Variants in DYNC2H1 observed in about 807,000 individuals in gnomAD.
The protein encoded by DYNC2H1 is dynein cytoplasmic 2 heavy chain 1.
Under a neutral mutation model 570.0 loss-of-function variants are expected in DYNC2H1, and 410 were observed. That is an observed-to-expected ratio of 0.72 (90% CI 0.66 to 0.78). The LOEUF (loss-of-function observed/expected upper bound fraction) is 0.78, where lower values mean the gene tolerates loss of function less well. Ranked by LOEUF, DYNC2H1 falls within the 30% of genes least tolerant of loss-of-function variation. The probability of loss-of-function intolerance (pLI) is 0.00; values close to 1 mark genes in which losing one functional copy is unlikely to be tolerated. For synonymous variants in DYNC2H1, 1,688 were observed against 1,677.6 expected (o/e 1.01, Z -0.15); for missense variants, 4,865 against 5,046.4 (o/e 0.96, Z 1.09).
intron 83 of DYNC2H1, among the ~76,000 whole-genome samples, chr11:103,396,852 A>G (rs1312404052): frequency 1.3e-5 from 2 of 152,220 alleles, no homozygotes; most frequent in African/African-American, 4.8e-5. Context: ...GAAGGCCATT[A>G]TCCTCAGTGA....
chr11:103,384,415 A>T (rs1941793543), intron 83 of DYNC2H1, among the ~76,000 whole-genome samples: 1 of 152,140 alleles, frequency 6.6e-6, no homozygotes, highest in African/African-American at 2.4e-5. Flanking sequence ...TCTTATAAAG[A>T]GCCTATAGCT....
intron 4 of DYNC2H1, among the ~76,000 whole-genome samples, chr11:103,115,702 C>T (rs573481115): frequency 6.6e-6 from 1 of 152,134 alleles, no homozygotes; most frequent in South Asian, 2.1e-4. Context: ...AGGATAATCA[C>T]CTGAACCTGA....
chr11:103,239,512 C>A lies in DYNC2H1; in HGVS notation c.9819+2973C>A, dbSNP rs1023581658. Among the ~76,000 whole-genome samples the A allele has an allele frequency of 3.9e-5, 6 of 152,144 alleles. No individual in the cohort carries two copies. The East Asian group carries it at 1.2e-3, about 29-fold the overall frequency. ...CCAATCTGTTAGATTCATGTGTTAT[C>A]CCTTTTATAGATAAGGACATTGAGG... On this transcript the variant is annotated intron_variant, in intron 63 of 88. Transcript: ENST00000375735. The surrounding 1 kb of genome is among the most constrained non-coding windows in gnomAD (Gnocchi z 4.3).
At chr11:103,286,145 G>A (rs908976591) in intron 73 of DYNC2H1, 110 bp from the exon 74 acceptor site, 1 of 1,392,104 alleles carries the variant, frequency 7.2e-7, no homozygotes, top group African/African-American at 1.5e-5. Flanking sequence ...AAGTAGAAGA[G>A]TAATAAACAT....
Position 103,177,723 on chromosome 11 carries a change from T to G in DYNC2H1, c.6042T>G (p.Pro2014=). The G allele has an allele frequency of 6.2e-7, 1 of 1,613,556 alleles. No homozygotes were observed. Among genetic ancestry groups the G allele is most frequent in the Non-Finnish European group, 8.5e-7 (1 of 1,179,712 alleles). ...KQYTMNPKAM[P]RYQLLGHIDM... ...ATACTATGAATCCCAAAGCTATGCC[T>G]CGATATCAATTATTAGGCCATATTG... The change falls in exon 38 of 89, where the codon CCT becomes CCG. Residue 2014 remains proline, a synonymous_variant. Coordinates refer to ENST00000375735, the MANE Select transcript of DYNC2H1 (RefSeq NM_001377.3). This position sits in a 1 kb window ranked among gnomAD's most constrained non-coding sequence, Gnocchi z 4.4.
At chr11:103,309,930 C>T (rs1867498553) in intron 78 of DYNC2H1, among the ~76,000 whole-genome samples, 1 of 151,924 alleles carries the variant, frequency 6.6e-6, no homozygotes, top group Non-Finnish European at 1.5e-5. Flanking sequence ...TGGGAATTTC[C>T]AATTTGATTT....
At position 103,151,962 on chromosome 11, in the gene DYNC2H1, C is replaced by T. The variant is rs1049051489; in HGVS notation, c.2947-174C>T. ...AAAATAACCATCAGAAAGTTTATAT[C>T]CAGGAATTTTTTTCTGCCAAATCAG... On this transcript the variant is annotated intron_variant, in intron 20 of 88. Coordinates refer to ENST00000375735, the MANE Select transcript of DYNC2H1 (RefSeq NM_001377.3). This position sits in a 1 kb window ranked among gnomAD's most constrained non-coding sequence, Gnocchi z 4.6. 2.3e-4 allele frequency among the ~76,000 whole-genome samples: 35 copies of T among 151,684 alleles called. No homozygotes were observed. The highest frequency in any genetic ancestry group is 2.1e-4 in the Non-Finnish European group (14 of 67,952).
In DYNC2H1 at chr11:103,395,005, G is replaced by A. The variant is rs1260044854; in HGVS notation, c.12157-4658G>A. On this transcript the variant is annotated intron_variant, in intron 83 of 88. Transcript: ENST00000375735. This position sits in a 1 kb window ranked among gnomAD's most constrained non-coding sequence, Gnocchi z 4.3. ...CCTTCCCTACCCTCCTCTTTCCACA[G>A]TTTTGCCAGAAATCCACTTGTGGAT... Among the ~76,000 whole-genome samples, 1 of 151,932 alleles carries A rather than the reference G, an allele frequency of 6.6e-6. No homozygotes were observed. Among genetic ancestry groups the A allele is most frequent in the Admixed American group, 6.6e-5 (1 of 15,262 alleles).
At chr11:103,444,148 CT>C (rs1944355969) in intron 85 of DYNC2H1, among the ~76,000 whole-genome samples, 2 of 150,668 alleles carry the variant, frequency 1.3e-5, no homozygotes, top group African/African-American at 4.9e-5. Flanking sequence ...TAATATTTAT[CT>C]TGCTATTATA....
At chr11:103,347,092 TA>T (rs1430766503) in intron 82 of DYNC2H1, among the ~76,000 whole-genome samples, 1 of 152,162 alleles carries the variant, frequency 6.6e-6, no homozygotes, top group Non-Finnish European at 1.5e-5. Flanking sequence ...AATCAAGTTT[TA>T]GAACTAATTT....
At position 103,286,280 on chromosome 11, in the gene DYNC2H1, C is replaced by T; in HGVS notation, c.10916C>T (p.Thr3639Ile). 1 of 1,613,656 alleles carries T rather than the reference C, an allele frequency of 6.2e-7. No homozygotes were observed. The highest frequency in any genetic ancestry group is 1.3e-5 in the African/African-American group (1 of 75,004). ...LKIALPSLYQTLCFEDAALWR... is the reference protein window; with the variant it reads ...LKIALPSLYQILCFEDAALWR... Reference sequence around the variant, plus strand: ...ATTGCTCTCCCCAGTCTTTATCAGACCCTCTGCTTTGAAGATGCAGCTCTG... The same window carrying T: ...ATTGCTCTCCCCAGTCTTTATCAGATCCTCTGCTTTGAAGATGCAGCTCTG... The change falls in exon 74 of 89, where the codon ACC (threonine) becomes ATC (isoleucine). Residue 3639 changes from threonine to isoleucine, a missense_variant. By Grantham distance (89) the Thr-to-Ile change is moderately conservative (BLOSUM62 -1). This residue lies in a region of DYNC2H1 where 2,401 missense variants were observed against 2,454.6 expected (regional missense o/e 0.98). Coordinates refer to ENST00000375735, the MANE Select transcript of DYNC2H1 (RefSeq NM_001377.3).
rs901698812 is a variant in DYNC2H1, at chr11:103,151,252, C to T, written c.2947-884C>T. On this transcript the variant is annotated intron_variant, in intron 20 of 88. Coordinates refer to ENST00000375735, the MANE Select transcript of DYNC2H1 (RefSeq NM_001377.3). The surrounding 1 kb of genome is among the most constrained non-coding windows in gnomAD (Gnocchi z 4.6). The stretch of plus-strand genomic sequence containing the variant: ...TAGCTAGGAGTACAGGTGTGCACCA[C>T]CATGCCCAGTTAATTTTTAAAATAT... 6.6e-6 allele frequency among the ~76,000 whole-genome samples: 1 copy of T among 152,060 alleles called. No individual in the cohort carries two copies. The highest frequency in any genetic ancestry group is 2.4e-5 in the African/African-American group (1 of 41,416).
At chr11:103,436,208 T>C (rs1169906110) in intron 85 of DYNC2H1, among the ~76,000 whole-genome samples, 176 bp downstream of exon 85, 1 of 151,988 alleles carries the variant, frequency 6.6e-6, no homozygotes, top group Non-Finnish European at 1.5e-5. Flanking sequence ...TTTTTTTTTT[T>C]TTTTTACAAA....
chr11:103,456,568 G>A (rs1944796918), intron 87 of DYNC2H1, among the ~76,000 whole-genome samples: 2 of 152,070 alleles, frequency 1.3e-5, no homozygotes, highest in Non-Finnish European at 2.9e-5. Context: ...TAAGAATCTT[G>A]GGGATACAAT....
rs550510014 is a variant in DYNC2H1 at position 103,399,095 on chromosome 11, T to A, written c.12157-568T>A. On this transcript the variant is annotated intron_variant, in intron 83 of 88. Transcript: ENST00000375735. ...CTTTTCTTACCATACTATTACTTAA[T>A]GTGGTTTCCCTTTCACTGTTCTTAA... Among the ~76,000 whole-genome samples, 8 of 151,864 alleles carry A rather than the reference T, an allele frequency of 5.3e-5. No individual in the cohort carries two copies. In the East Asian group the frequency reaches 1.4e-3, roughly 26 times the overall value.
chr11:103,478,456 A>C (rs531727909), intron 88 of DYNC2H1, among the ~76,000 whole-genome samples: 3 of 152,326 alleles, frequency 2.0e-5, no homozygotes, highest in South Asian at 4.1e-4. Flanking sequence ...TGATGGAAAC[A>C]TCTAGTACCA....
At chr11:103,343,308 C>G (rs548882299) in intron 82 of DYNC2H1, among the ~76,000 whole-genome samples, 1 of 152,170 alleles carries the variant, frequency 6.6e-6, no homozygotes, top group Admixed American at 6.5e-5. Flanking sequence ...TGGGTCCTAA[C>G]GCCTGTCAGA....
intron 70 of DYNC2H1, 57 bp downstream of exon 70, chr11:103,260,034 A>ATATTT: frequency 3.2e-6 from 3 of 931,904 alleles, no homozygotes; most frequent in East Asian, 6.8e-5. Flanking sequence ...GATTTAACGT[A>ATATTT]ATATTTATAG....
intron 84 of DYNC2H1, among the ~76,000 whole-genome samples, chr11:103,432,477 A>G (rs1943926682): frequency 6.6e-6 from 1 of 152,096 alleles, no homozygotes; most frequent in East Asian, 1.9e-4. Context: ...TTCTTGAACC[A>G]CCACTGCACT....
Sources: gnomAD v4.1 joint callset for allele counts (sites outside exome capture counted in the v4.1 genomes callset) on GRCh38, gnomAD v4.1.1 for gene constraint, gnomAD v4.1.1 regional missense constraint, Gnocchi (gnomAD v3.1) non-coding constraint, MANE v1.5 for transcripts, NCBI Gene and HGNC (gene_info 2026-07-23, HGNC 2026-07-21) for gene names.